The following MED27 variants were observed in gnomAD, a reference collection of about 807,000 sequenced individuals.
MED27 encodes the protein mediator complex subunit 27, also known as mediator of RNA polymerase II transcription subunit 27.
A neutral mutation model predicts 38.2 loss-of-function variants in MED27; 30 were observed. The observed-to-expected ratio is 0.79, with a 90% confidence interval of 0.59 to 1.07. The LOEUF (loss-of-function observed/expected upper bound fraction) is 1.07. MED27 is among the 50% of genes least tolerant of loss of function. The pLI, the probability that MED27 is intolerant of heterozygous loss-of-function variation, is 0.00. For missense variants in MED27, 289 were observed against 397.5 expected, an observed-to-expected ratio of 0.73 and a Z score of 2.32; for synonymous variants, 122 against 153.5, an observed-to-expected ratio of 0.79 and a Z score of 1.52.
intron 3 of MED27, among the ~76,000 whole-genome samples, chr9:131,954,922 C>T (rs1019302607): frequency 5.9e-5 from 9 of 152,046 alleles, no homozygotes; most frequent in African/African-American, 2.2e-4. Context: ...ATTGACAGAA[C>T]AAGTAGACAG....
chr9:131,974,235 T>C (rs1160450523), intron 3 of MED27, among the ~76,000 whole-genome samples: 1 of 152,232 alleles, frequency 6.6e-6, no homozygotes, highest in Non-Finnish European at 1.5e-5. Context: ...AACTGTCTTG[T>C]TATAAATGCA....
At chr9:131,888,190 G>A (rs570965593) in intron 5 of MED27, among the ~76,000 whole-genome samples, 6 of 152,186 alleles carry the variant, frequency 3.9e-5, no homozygotes, top group African/African-American at 1.2e-4. Flanking sequence ...TGAAGATGAC[G>A]CATTCGGCCT....
At chr9:131,922,911 G>T (rs1256526851) in intron 4 of MED27, among the ~76,000 whole-genome samples, 2 of 152,138 alleles carry the variant, frequency 1.3e-5, no homozygotes, top group African/African-American at 4.8e-5. Context: ...ACCGTGCCCA[G>T]CCTGTGTCCT....
intron 4 of MED27, among the ~76,000 whole-genome samples, chr9:131,920,767 C>T (rs949515831): frequency 2.0e-5 from 3 of 150,838 alleles, no homozygotes; most frequent in Admixed American, 6.6e-5. Flanking sequence ...CTTAAGGCAG[C>T]GCTGGGCCTA....
chr9:132,015,281 T>G lies in MED27; in HGVS notation c.349-814A>C, dbSNP rs78554659. On this transcript the variant is annotated intron_variant, in intron 2 of 7. Coordinates refer to ENST00000292035, the MANE Select transcript of MED27 (RefSeq NM_004269.4). ...CAATTTCAAGTCCATGGACATGCAA[T>G]TGGAACAATGTCATGGAGGTAAGGA... Among the ~76,000 whole-genome samples, 319 of 152,304 alleles carry G rather than the reference T, an allele frequency of 2.1e-3. 1 individual carries two copies. The highest frequency in any genetic ancestry group is 7.5e-3 in the African/African-American group (311 of 41,544).
At chr9:132,036,162 T>C (rs1268131047) in intron 2 of MED27, among the ~76,000 whole-genome samples, 2 of 152,210 alleles carry the variant, frequency 1.3e-5, no homozygotes, top group African/African-American at 4.8e-5. Flanking sequence ...ACCATTTTGA[T>C]AGACTCAGAA....
chr9:131,901,092 T>A (rs1039663319), intron 4 of MED27, among the ~76,000 whole-genome samples: 1 of 40,094 alleles, frequency 2.5e-5, no homozygotes, highest in African/African-American at 1.0e-4. Context: ...GGAGAGAGAA[T>A]GAGGGAGGGA....
chr9:132,046,343 T>C (rs1287246337), intron 2 of MED27, among the ~76,000 whole-genome samples: 1 of 152,156 alleles, frequency 6.6e-6, no homozygotes, highest in Non-Finnish European at 1.5e-5. Context: ...CACAAAAGTA[T>C]ACTGAAACAG....
chr9:131,870,952 G>A (rs899509072), intron 6 of MED27, among the ~76,000 whole-genome samples: 8 of 152,206 alleles, frequency 5.3e-5, no homozygotes, highest in Admixed American at 3.3e-4. Flanking sequence ...AGGGGAAATC[G>A]GGCAAATACA....
intron 3 of MED27, among the ~76,000 whole-genome samples, chr9:131,966,198 T>TAAAAAAA (rs1564303381): frequency 2.3e-5 from 2 of 88,490 alleles, no homozygotes; most frequent in Non-Finnish European, 4.7e-5. Context: ...GCCTGTTTCT[T>TAAAAAAA]TAAAAAAAAA....
At chr9:131,907,304 A>G (rs1830083793) in intron 4 of MED27, among the ~76,000 whole-genome samples, 1 of 151,974 alleles carries the variant, frequency 6.6e-6, no homozygotes, top group South Asian at 2.1e-4. Flanking sequence ...ATCTCAGCTC[A>G]CTGCAACCTC....
intron 4 of MED27, among the ~76,000 whole-genome samples, chr9:131,921,004 C>T (rs1830380314): frequency 6.6e-6 from 1 of 152,104 alleles, no homozygotes; most frequent in Non-Finnish European, 1.5e-5. Flanking sequence ...TGTGAGGGAC[C>T]AGAGGCTTGG....
At chr9:131,924,926 T>C (rs1304550005) in intron 4 of MED27, among the ~76,000 whole-genome samples, 2 of 152,252 alleles carry the variant, frequency 1.3e-5, no homozygotes, top group Non-Finnish European at 2.9e-5. Flanking sequence ...TCTATAGTTA[T>C]GTGTGTAATA....
intron 3 of MED27, among the ~76,000 whole-genome samples, chr9:131,961,553 G>C (rs569360914): frequency 3.3e-5 from 5 of 152,334 alleles, no homozygotes; most frequent in African/African-American, 1.2e-4. Context: ...CTGAGGGTCC[G>C]CTGACAGCCC....
At chr9:131,995,716 T>C (rs1047469731) in intron 3 of MED27, among the ~76,000 whole-genome samples, 3 of 152,156 alleles carry the variant, frequency 2.0e-5, no homozygotes, top group Non-Finnish European at 2.9e-5. Flanking sequence ...ATGGAATTCA[T>C]TGATCACATC....
chr9:131,931,776 GCT>G (rs1830592402), intron 4 of MED27, among the ~76,000 whole-genome samples: 1 of 152,150 alleles, frequency 6.6e-6, no homozygotes, highest in African/African-American at 2.4e-5. Flanking sequence ...ATCATATAAT[GCT>G]AAAGGGGTCA....
chr9:131,936,266 C>G (rs940806940), intron 4 of MED27, among the ~76,000 whole-genome samples: 1 of 152,148 alleles, frequency 6.6e-6, no homozygotes, highest in African/African-American at 2.4e-5. Flanking sequence ...ATCCTGGAGG[C>G]TTGGGGAGAT....
chr9:131,964,067 G>T (rs780465624), intron 3 of MED27, among the ~76,000 whole-genome samples: 1 of 151,932 alleles, frequency 6.6e-6, no homozygotes, highest in Non-Finnish European at 1.5e-5. Context: ...TGGAGAAGGT[G>T]GTATAGAAGC....
At chr9:132,017,541 G>C (rs1289759771) in intron 2 of MED27, among the ~76,000 whole-genome samples, 2 of 152,176 alleles carry the variant, frequency 1.3e-5, no homozygotes, top group African/African-American at 2.4e-5. Flanking sequence ...GAATAAAAAT[G>C]AAAGAAGGAG....
Sources: gnomAD v4.1 joint callset for allele counts (sites outside exome capture counted in the v4.1 genomes callset) on GRCh38, gnomAD v4.1.1 for gene constraint, MANE v1.5 for transcripts, NCBI Gene and HGNC (gene_info 2026-07-23, HGNC 2026-07-21) for gene names.